Variants in SEPTIN8 observed in about 807,000 individuals in gnomAD.
The protein encoded by SEPTIN8 is septin-8.
In SEPTIN8, 22 loss-of-function variants were observed where a neutral mutation model predicts 53.1. The observed-to-expected ratio is 0.41, with a 90% confidence interval of 0.30 to 0.59. SEPTIN8 has a LOEUF of 0.59. Among genes scored for constraint, SEPTIN8 ranks in the 20% least tolerant of loss-of-function variants. The pLI is 0.24. For synonymous variants in SEPTIN8, 228 were observed against 248.4 expected, an observed-to-expected ratio of 0.92 and a Z score of 0.77; for missense variants, 536 against 638.7, an observed-to-expected ratio of 0.84 and a Z score of 1.73.
In SEPTIN8 at chr5:132,750,998, G is replaced by A. The variant is rs777269583; in HGVS notation, c.*1018C>T. ...GACGCCGCTGGACTTCTTGACTATA[G>A]TGAGTAAGGAGGTGTTTACAGAGTC... On this transcript the variant is annotated 3_prime_UTR_variant, in exon 10 of 10. Coordinates refer to ENST00000378719, the MANE Select transcript of SEPTIN8 (RefSeq NM_001098811.2). The A allele has an allele frequency of 1.5e-5, 24 of 1,613,238 alleles. No individual in the cohort carries two copies. In the South Asian group the frequency reaches 2.5e-4, roughly 17 times the overall value.
At chr5:132,767,943 CCACACACA>C (rs57640097) in intron 1 of SEPTIN8, among the ~76,000 whole-genome samples, 1,829 of 127,964 alleles carry the variant, frequency 0.014, 30 homozygotes, top group African/African-American at 0.05. Context: ...TGTCTGGAAA[CCACACACA>C]CACACACACA....
At chr5:132,755,019 T>A (rs923903557) in intron 9 of SEPTIN8, among the ~76,000 whole-genome samples, 2 of 152,180 alleles carry the variant, frequency 1.3e-5, no homozygotes, top group Non-Finnish European at 2.9e-5. Context: ...CCAAGTCATT[T>A]GATGATGTTT....
At position 132,764,277 on chromosome 5, in the gene SEPTIN8, C is replaced by T. The variant is rs201501232; in HGVS notation, c.294G>A (p.Lys98=). 1.4e-5 allele frequency: 22 copies of T among 1,614,160 alleles called. No homozygotes were observed. The African/African-American group carries it at 2.5e-4, about 19-fold the overall frequency. Residue 98 remains lysine, a synonymous_variant, in exon 3 of 10, where the codon AAG becomes AAA. Transcript: ENST00000378719. The stretch of plus-strand genomic sequence containing the variant: ...AGCCCACGGCATCCACAATGGTCAG[C>T]TTGAGCTGCACGTTGCTCTCCTGGA... ...YDLQESNVQL[K]LTIVDAVGFG... is the part of the protein sequence containing the mutation.
Position 132,777,148 on chromosome 5 carries a change from G to A in SEPTIN8, c.-11C>T. ...GTCGGTGGCCGCCATGGCGAGCTCC[G>A]CACCGGGCGGGTGGGCTGGGACGAG... On this transcript the variant is annotated 5_prime_UTR_variant, in exon 1 of 10. Coordinates refer to ENST00000378719, the MANE Select transcript of SEPTIN8 (RefSeq NM_001098811.2). This position sits in a 1 kb window ranked among gnomAD's most constrained non-coding sequence, Gnocchi z 4.1. 1 of 980,612 alleles carries A rather than the reference G, an allele frequency of 1.0e-6. No individual in the cohort carries two copies. The highest frequency in any genetic ancestry group is 1.3e-6 in the Non-Finnish European group (1 of 783,230). 60.7% of individuals were successfully genotyped at this position (980,612 alleles called of 1,614,324 possible). A position where few individuals can be genotyped will look rare whatever the true frequency, so the allele number is the denominator to read the frequency against.
upstream of SEPTIN8, chr5:132,777,361 C>G: frequency 1.9e-6 from 2 of 1,037,914 alleles, no homozygotes; most frequent in Non-Finnish European, 2.3e-6. The surrounding 1 kb of genome is among the most constrained non-coding windows in gnomAD (Gnocchi z 4.1). Flanking sequence ...ACGAGCGCAG[C>G]CGGAGCCCCG....
Position 132,761,609 on chromosome 5 carries a change from A to G in SEPTIN8, c.811T>C (p.Cys271Arg). The G allele has an allele frequency of 6.2e-7, 1 of 1,613,928 alleles. No homozygotes were observed. The highest frequency in any genetic ancestry group is 8.5e-7 in the Non-Finnish European group (1 of 1,179,948). Residue 271 changes from cysteine to arginine, a missense_variant, in exon 7 of 10, where the codon TGC (cysteine) becomes CGC (arginine). By Grantham distance (180) the Cys-to-Arg change is radical (BLOSUM62 -3). Around this residue, in one of 3 missense-constraint regions of SEPTIN8, gnomAD observed 395 missense variants for 451.8 expected, o/e 0.87. Transcript: ENST00000378719. This position sits in a 1 kb window ranked among gnomAD's most constrained non-coding sequence, Gnocchi z 5.8. Reference protein sequence around the residue: ...GVVQVENENHCDFVKLREMLI... With the variant: ...GVVQVENENHRDFVKLREMLI... ...ATCTCCCGCAGCTTCACGAAGTCGC[A>G]GTGATTCTCATTCTCCACTGAAAGC...
At chr5:132,777,314 C>T (rs1266306639), upstream of SEPTIN8, 11 of 1,081,580 alleles carry the variant, frequency 1.0e-5, no homozygotes, top group Non-Finnish European at 1.1e-5. The surrounding 1 kb of genome is among the most constrained non-coding windows in gnomAD (Gnocchi z 4.1). Context: ...CGCCCCTGCC[C>T]CCGCCCGCGG....
chr5:132,770,063 GTA>G (rs769360917), intron 1 of SEPTIN8, among the ~76,000 whole-genome samples: 37,560 of 89,868 alleles, frequency 0.42, 9,732 homozygotes, highest in Non-Finnish European at 0.57. Flanking sequence ...GTGTGTGTGT[GTA>G]TATATATATA....
Position 132,750,886 on chromosome 5 carries a change from G to A in SEPTIN8, c.*1130C>T. 2 of 1,614,200 alleles carry A rather than the reference G, an allele frequency of 1.2e-6. No homozygotes were observed. The highest frequency in any genetic ancestry group is 1.7e-6 in the Non-Finnish European group (2 of 1,180,030). On this transcript the variant is annotated 3_prime_UTR_variant, in exon 10 of 10. Coordinates refer to ENST00000378719, the MANE Select transcript of SEPTIN8 (RefSeq NM_001098811.2). ...TTCCACAAGTAAAAGACTTCACAAA[G>A]CACTATGGCTCTGACTATTCCCCGA... is the stretch of plus-strand genomic sequence containing the variant.
intron 1 of SEPTIN8, among the ~76,000 whole-genome samples, chr5:132,766,473 G>A (rs1217447028): frequency 6.6e-6 from 1 of 152,230 alleles, no homozygotes; most frequent in Non-Finnish European, 1.5e-5. Flanking sequence ...CAACTTGTGT[G>A]GCTGGTTTCT....
chr5:132,775,108 C>T (rs1183691230), intron 1 of SEPTIN8, among the ~76,000 whole-genome samples: 1 of 152,198 alleles, frequency 6.6e-6, no homozygotes, highest in Non-Finnish European at 1.5e-5. Flanking sequence ...TGCGCTCAGG[C>T]TCTACGCCCT....
intron 5 of SEPTIN8, among the ~76,000 whole-genome samples, chr5:132,762,108 T>C (rs1270772321): frequency 1.3e-5 from 2 of 152,158 alleles, no homozygotes; most frequent in East Asian, 3.9e-4. Flanking sequence ...CTGGTGCTCC[T>C]GATTCTCCAG....
chr5:132,760,686 C>A lies in SEPTIN8; in HGVS notation c.1286+116G>T. The A allele has an allele frequency of 1.0e-6, 1 of 1,003,234 alleles. No individual in the cohort carries two copies. Among genetic ancestry groups the A allele is most frequent in the Admixed American group, 2.3e-5 (1 of 42,554 alleles). The allele number at this position is 1,003,234 out of a possible 1,614,324, so 62.1% of individuals were successfully genotyped here. ...CCACTGAAGATGAGGGAAAACCAAA[C>A]AGGAAAGGGGTAAGAGAGGGCGAGC... On this transcript the variant is annotated intron_variant, in intron 9 of 9. Transcript: ENST00000378719. The surrounding 1 kb of genome is among the most constrained non-coding windows in gnomAD (Gnocchi z 5.2).
At position 132,761,478 on chromosome 5, in the gene SEPTIN8, A is replaced by G. The variant is rs1481332033; in HGVS notation, c.942T>C (p.Asp314=). 5.6e-6 allele frequency: 9 copies of G among 1,612,510 alleles called. No homozygotes were observed. The highest frequency in any genetic ancestry group is 1.7e-5 in the Admixed American group (1 of 59,986). ...GTCACCTGAAGGGCTGGCTGTCACC[A>G]TCGCTGTCCTGAAAGCCCATCTCCT... The part of the protein sequence containing the change: ...KLEEMGFQDS[D]GDSQPFSLQE... Residue 314 remains aspartate (D), a synonymous_variant, in exon 7 of 10, where the codon GAT becomes GAC. Transcript: ENST00000378719. The surrounding 1 kb of genome is among the most constrained non-coding windows in gnomAD (Gnocchi z 5.8).
chr5:132,758,763 A>C, intron 9 of SEPTIN8: 3 of 1,614,148 alleles, frequency 1.9e-6, no homozygotes, highest in Non-Finnish European at 2.5e-6. Flanking sequence ...GTGTAACTCA[A>C]GCAACTTAAC....
intron 3 of SEPTIN8, 84 bp downstream of exon 3, chr5:132,764,140 G>A (rs1756316959): frequency 7.1e-7 from 1 of 1,399,084 alleles, no homozygotes; most frequent in Non-Finnish European, 9.8e-7. Flanking sequence ...GCCCCCTGCA[G>A]TGTGAGGGCT....
In SEPTIN8 at chr5:132,751,075, C is replaced by T; in HGVS notation, c.*941G>A. 1.3e-6 allele frequency: 2 copies of T among 1,548,080 alleles called. No individual in the cohort carries two copies. The highest frequency in any genetic ancestry group is 1.8e-6 in the Non-Finnish European group (2 of 1,135,912). Reference sequence around the variant, plus strand: ...AACAGCTGTTTACAACATGGGATGGCAAAGCACAGGCGTGCACACGCCCTT... The same window carrying T: ...AACAGCTGTTTACAACATGGGATGGTAAAGCACAGGCGTGCACACGCCCTT... On this transcript the variant is annotated 3_prime_UTR_variant, in exon 10 of 10. Coordinates refer to ENST00000378719, the MANE Select transcript of SEPTIN8 (RefSeq NM_001098811.2).
At chr5:132,762,953 A>G (rs1005020704) in intron 4 of SEPTIN8, among the ~76,000 whole-genome samples, 2 of 152,158 alleles carry the variant, frequency 1.3e-5, no homozygotes, top group Admixed American at 1.3e-4. Flanking sequence ...TGAAGGTCCT[A>G]ATTGGCCTGG....
At chr5:132,770,487 C>T (rs780771147) in intron 1 of SEPTIN8, among the ~76,000 whole-genome samples, 6 of 152,000 alleles carry the variant, frequency 3.9e-5, no homozygotes, top group Non-Finnish European at 7.4e-5. Context: ...GCCCAGAAAT[C>T]TATATTTTTA....
Sources: allele counts gnomAD v4.1 joint callset (sites outside exome capture counted in the v4.1 genomes callset), GRCh38; gene constraint gnomAD v4.1.1; regional missense constraint gnomAD v4.1.1; non-coding constraint Gnocchi (gnomAD v3.1); transcripts MANE v1.5; gene names NCBI Gene and HGNC (gene_info 2026-07-23, HGNC 2026-07-21).